CDH13: variants seen among roughly 807,000 people sequenced by gnomAD.
CDH13 encodes cadherin-13.
Under a neutral mutation model 63.8 loss-of-function variants are expected in CDH13, and 24 were observed. The ratio of observed to expected loss-of-function variants is 0.38; its 90% CI spans 0.27 to 0.53. The LOEUF (loss-of-function observed/expected upper bound fraction) is 0.53. CDH13 is among the 20% of genes least tolerant of loss of function. The pLI is 0.85. For synonymous variants in CDH13, 503 were observed against 355.3 expected, an observed-to-expected ratio of 1.42 and a Z score of -4.67; for missense variants, 1,049 against 903.1, an observed-to-expected ratio of 1.16 and a Z score of -2.07.
At chr16:83,179,503 T>A (rs1324344678) in intron 4 of CDH13, among the ~76,000 whole-genome samples, 38 of 67,184 alleles carry the variant, frequency 5.7e-4, no homozygotes, top group South Asian at 2.4e-3. Flanking sequence ...AAAAAAAAAA[T>A]TAGCCGGGCG....
intron 1 of CDH13, among the ~76,000 whole-genome samples, chr16:82,787,539 G>A (rs1348303450): frequency 6.6e-6 from 1 of 152,178 alleles, no homozygotes; most frequent in Non-Finnish European, 1.5e-5. Flanking sequence ...ATGAAAAATA[G>A]TGTAAGTACA....
At chr16:83,125,553 G>C in intron 4 of CDH13, 52 bp downstream of exon 4, 2 of 963,136 alleles carry the variant, frequency 2.1e-6, no homozygotes, top group Non-Finnish European at 3.3e-6. Flanking sequence ...GAAAAGATGA[G>C]CACAGCAGAC....
chr16:83,222,721 C>G (rs544285976), intron 5 of CDH13, among the ~76,000 whole-genome samples: 2 of 152,026 alleles, frequency 1.3e-5, no homozygotes, highest in African/African-American at 4.8e-5. Context: ...AACAAAATCA[C>G]CTCCAACTAG....
chr16:82,965,378 C>T (rs1009655148), intron 2 of CDH13, among the ~76,000 whole-genome samples: 1 of 152,200 alleles, frequency 6.6e-6, no homozygotes, highest in African/African-American at 2.4e-5. Context: ...GTTTTATTCT[C>T]ATTTAAGTTT....
chr16:82,755,899 G>A (rs549232291), intron 1 of CDH13, among the ~76,000 whole-genome samples: 1 of 152,300 alleles, frequency 6.6e-6, no homozygotes, highest in Non-Finnish European at 1.5e-5. Flanking sequence ...AATATGAAGA[G>A]AGTGATATAA....
At chr16:82,792,806 G>A (rs944226906) in intron 1 of CDH13, among the ~76,000 whole-genome samples, 1 of 152,202 alleles carries the variant, frequency 6.6e-6, no homozygotes, top group Non-Finnish European at 1.5e-5. Context: ...ATCACCCAAT[G>A]CCCAACTGCA....
At chr16:82,913,898 T>C (rs918433956) in intron 2 of CDH13, among the ~76,000 whole-genome samples, 1 of 152,066 alleles carries the variant, frequency 6.6e-6, no homozygotes, top group African/African-American at 2.4e-5. Context: ...AGGAGACTGC[T>C]GAGAAACAGA....
intron 6 of CDH13, among the ~76,000 whole-genome samples, chr16:83,465,312 G>A (rs531284022): frequency 6.1e-4 from 93 of 152,210 alleles, no homozygotes; most frequent in Non-Finnish European, 9.3e-4. Context: ...AACTGAGTGA[G>A]CTTCTAGAAT....
At chr16:83,037,805 G>A (rs1218267087) in intron 3 of CDH13, among the ~76,000 whole-genome samples, 1 of 152,122 alleles carries the variant, frequency 6.6e-6, no homozygotes, top group Non-Finnish European at 1.5e-5. Flanking sequence ...TGTGACTTGG[G>A]CAAGTGACTC....
At chr16:82,833,864 A>C (rs2038651081) in intron 1 of CDH13, among the ~76,000 whole-genome samples, 1 of 152,176 alleles carries the variant, frequency 6.6e-6, no homozygotes, top group Non-Finnish European at 1.5e-5. Context: ...TTATAATGTG[A>C]AAAGATCGAC....
chr16:83,617,413 C>T (rs2150772063), intron 8 of CDH13, among the ~76,000 whole-genome samples: 1 of 152,004 alleles, frequency 6.6e-6, no homozygotes, highest in Admixed American at 6.6e-5. Context: ...ATATTCTAGT[C>T]TAATATATAA....
At chr16:82,782,867 G>A (rs965502568) in intron 1 of CDH13, among the ~76,000 whole-genome samples, 3 of 152,104 alleles carry the variant, frequency 2.0e-5, no homozygotes, top group African/African-American at 4.8e-5. Context: ...GGGCCTGGGC[G>A]AGGTCTTTAT....
chr16:83,475,296 G>T (rs894775347), intron 6 of CDH13, among the ~76,000 whole-genome samples: 2 of 152,230 alleles, frequency 1.3e-5, no homozygotes, highest in African/African-American at 2.4e-5. Context: ...AGTGCTGTGT[G>T]TCGTTTCTGA....
At chr16:83,603,673 A>T (rs1908061198) in intron 8 of CDH13, among the ~76,000 whole-genome samples, 1 of 152,196 alleles carries the variant, frequency 6.6e-6, no homozygotes, top group South Asian at 2.1e-4. Context: ...AGGAATCTCA[A>T]GGCTACCCAG....
At chr16:83,762,264 G>A (rs544018948) in intron 11 of CDH13, among the ~76,000 whole-genome samples, 21 of 152,086 alleles carry the variant, frequency 1.4e-4, no homozygotes, top group African/African-American at 4.6e-4. Context: ...GATGAATATC[G>A]TCATTTGCCT....
At chr16:83,454,510 G>A (rs1208383310) in intron 6 of CDH13, among the ~76,000 whole-genome samples, 1 of 151,950 alleles carries the variant, frequency 6.6e-6, no homozygotes. Flanking sequence ...TGCATTTAAT[G>A]TATCATAAGC....
chr16:83,615,290 T>G (rs1269133766), intron 8 of CDH13, among the ~76,000 whole-genome samples: 1 of 152,130 alleles, frequency 6.6e-6, no homozygotes, highest in East Asian at 1.9e-4. Flanking sequence ...TAATTACACA[T>G]TCTGCTTGCT....
intron 5 of CDH13, among the ~76,000 whole-genome samples, chr16:83,334,134 T>G (rs1455492534): frequency 6.6e-6 from 1 of 152,122 alleles, no homozygotes; most frequent in African/African-American, 2.4e-5. Context: ...CAGCTGTTCA[T>G]GTCCTTCACA....
At chr16:83,094,862 C>T (rs1462894476) in intron 3 of CDH13, among the ~76,000 whole-genome samples, 1 of 152,112 alleles carries the variant, frequency 6.6e-6, no homozygotes, top group African/African-American at 2.4e-5. Context: ...TATATAGATA[C>T]CTACTTTTTA....
Sources: allele counts gnomAD v4.1 joint callset (sites outside exome capture counted in the v4.1 genomes callset), GRCh38; gene constraint gnomAD v4.1.1; transcripts MANE v1.5; gene names NCBI Gene and HGNC (gene_info 2026-07-23, HGNC 2026-07-21).